CCBE1: variants seen among roughly 807,000 people sequenced by gnomAD.
CCBE1 encodes the protein collagen and calcium-binding EGF domain-containing protein 1.
In CCBE1, 37 loss-of-function variants were observed where a neutral mutation model predicts 50.0. The observed-to-expected ratio is 0.74, with a 90% confidence interval of 0.57 to 0.97. The LOEUF is 0.97. Among genes scored for constraint, CCBE1 ranks in the 50% least tolerant of loss-of-function variants. The pLI is 0.00. For missense variants in CCBE1, 538 were observed against 523.8 expected (o/e 1.03, Z -0.26); for synonymous variants, 234 against 203.7 (o/e 1.15, Z -1.27).
At chr18:59,468,428 G>C (rs1911857641) in intron 4 of CCBE1, among the ~76,000 whole-genome samples, 1 of 143,290 alleles carries the variant, frequency 7.0e-6, no homozygotes, top group Non-Finnish European at 1.6e-5. Flanking sequence ...CTGCTATAAA[G>C]TGAAGTAAGA....
At chr18:59,511,770 C>T (rs1341772024) in intron 2 of CCBE1, among the ~76,000 whole-genome samples, 1 of 152,168 alleles carries the variant, frequency 6.6e-6, no homozygotes, top group East Asian at 1.9e-4. Context: ...ATGTCATCAG[C>T]AGGCTGTTGT....
intron 2 of CCBE1, among the ~76,000 whole-genome samples, chr18:59,660,762 T>C (rs2054273207): frequency 6.6e-6 from 1 of 152,142 alleles, no homozygotes; most frequent in Admixed American, 6.5e-5. Context: ...AATTCAAAAA[T>C]ACTTTCTGAA....
intron 2 of CCBE1, among the ~76,000 whole-genome samples, chr18:59,580,324 G>A (rs777288390): frequency 3.3e-5 from 5 of 152,132 alleles, no homozygotes; most frequent in African/African-American, 4.8e-5. Flanking sequence ...AAGTTGTCCC[G>A]CTTTACTTTG....
At chr18:59,677,931 AG>A (rs1252443226) in intron 2 of CCBE1, among the ~76,000 whole-genome samples, 1 of 152,218 alleles carries the variant, frequency 6.6e-6, no homozygotes, top group Non-Finnish European at 1.5e-5. Flanking sequence ...AGTAAAAGAA[AG>A]GAAAAGCAAT....
intron 2 of CCBE1, among the ~76,000 whole-genome samples, chr18:59,640,752 T>A (rs1166350778): frequency 6.6e-6 from 1 of 152,186 alleles, no homozygotes; most frequent in Admixed American, 6.5e-5. Context: ...GACAAAAGTC[T>A]AATATCCAGA....
intron 2 of CCBE1, among the ~76,000 whole-genome samples, chr18:59,526,202 C>A (rs1280122507): frequency 6.6e-6 from 1 of 151,936 alleles, no homozygotes; most frequent in Non-Finnish European, 1.5e-5. Flanking sequence ...CTATCTCCTT[C>A]AGTTCCACTC....
chr18:59,634,187 C>T (rs2053888260), intron 2 of CCBE1, among the ~76,000 whole-genome samples: 1 of 152,196 alleles, frequency 6.6e-6, no homozygotes, highest in African/African-American at 2.4e-5. Context: ...AAGGGCTATA[C>T]TCTTAATGAA....
At chr18:59,668,600 C>G (rs553492947) in intron 2 of CCBE1, among the ~76,000 whole-genome samples, 92 of 152,124 alleles carry the variant, frequency 6.0e-4, no homozygotes, top group African/African-American at 2.0e-3. Flanking sequence ...GTACTCTTAT[C>G]ATTGCACATT....
At chr18:59,594,068 G>T (rs1195424584) in intron 2 of CCBE1, among the ~76,000 whole-genome samples, 1 of 152,198 alleles carries the variant, frequency 6.6e-6, no homozygotes, top group African/African-American at 2.4e-5. Context: ...TGCTTCACCA[G>T]CAAGCCAAGG....
chr18:59,674,799 A>G (rs2054477714), intron 2 of CCBE1, among the ~76,000 whole-genome samples: 1 of 152,198 alleles, frequency 6.6e-6, no homozygotes. Context: ...AACTTTTATA[A>G]AATATAACTG....
intron 2 of CCBE1, among the ~76,000 whole-genome samples, chr18:59,617,912 T>C (rs1014376865): frequency 1.3e-5 from 2 of 152,178 alleles, no homozygotes; most frequent in African/African-American, 4.8e-5. Context: ...GTGACTTTCA[T>C]ATCATGCAGA....
At chr18:59,600,052 T>C (rs2053409497) in intron 2 of CCBE1, among the ~76,000 whole-genome samples, 1 of 152,202 alleles carries the variant, frequency 6.6e-6, no homozygotes, top group South Asian at 2.1e-4. Context: ...CTTGCAACTA[T>C]TGCTTTTGCT....
At chr18:59,516,403 G>T (rs1914374666) in intron 2 of CCBE1, among the ~76,000 whole-genome samples, 1 of 152,174 alleles carries the variant, frequency 6.6e-6, no homozygotes, top group Non-Finnish European at 1.5e-5. Flanking sequence ...CATTAAGGCT[G>T]GGGGATAAGA....
intron 2 of CCBE1, among the ~76,000 whole-genome samples, chr18:59,586,952 G>GA (rs1250458187): frequency 2.0e-5 from 3 of 152,034 alleles, no homozygotes; most frequent in African/African-American, 4.8e-5. Context: ...CTGGAGATCA[G>GA]AAAAAACAGA....
chr18:59,687,379 G>A (rs1179131437), intron 2 of CCBE1, among the ~76,000 whole-genome samples: 3 of 151,590 alleles, frequency 2.0e-5, no homozygotes, highest in Non-Finnish European at 2.9e-5. Flanking sequence ...CTTCATCTCC[G>A]TAGGATCCTA....
intron 2 of CCBE1, among the ~76,000 whole-genome samples, chr18:59,621,691 A>G (rs979847706): frequency 6.6e-6 from 1 of 152,284 alleles, no homozygotes; most frequent in South Asian, 2.1e-4. Context: ...AAGCAAACTC[A>G]TATCTCTCCG....
At chr18:59,443,151 A>G (rs1049005710) in intron 7 of CCBE1, among the ~76,000 whole-genome samples, 6 of 152,360 alleles carry the variant, frequency 3.9e-5, no homozygotes, top group Admixed American at 6.5e-5. Context: ...CTGATGGGGA[A>G]GAGACCTTTA....
At chr18:59,477,948 T>C (rs138258818) in intron 3 of CCBE1, among the ~76,000 whole-genome samples, 1 of 152,350 alleles carries the variant, frequency 6.6e-6, no homozygotes, top group East Asian at 1.9e-4. Context: ...CAAACATTAT[T>C]CTACGTGCTT....
intron 5 of CCBE1, among the ~76,000 whole-genome samples, chr18:59,457,968 C>T (rs1056968722): frequency 1.3e-5 from 2 of 152,200 alleles, no homozygotes; most frequent in Non-Finnish European, 2.9e-5. Flanking sequence ...ATGGTGGGCT[C>T]CTGCATGAAA....
Sources: gnomAD v4.1 joint callset for allele counts (sites outside exome capture counted in the v4.1 genomes callset) on GRCh38, gnomAD v4.1.1 for gene constraint, MANE v1.5 for transcripts, NCBI Gene and HGNC (gene_info 2026-07-23, HGNC 2026-07-21) for gene names.